ZSCAN30: variants seen among roughly 807,000 people sequenced by gnomAD.
ZSCAN30 encodes zinc finger and SCAN domain containing 30, also known as zinc finger and SCAN domain-containing protein 30.
ZSCAN30 carries 37 observed loss-of-function variants against 44.3 expected under a neutral mutation model. That is an observed-to-expected ratio of 0.84 (90% confidence interval 0.64 to 1.10). The LOEUF is 1.10. Ranked by LOEUF, ZSCAN30 falls within the 50% of genes least tolerant of loss-of-function variation. The pLI, the probability that ZSCAN30 is intolerant of heterozygous loss-of-function variation, is 0.00. For synonymous variants in ZSCAN30, 181 were observed against 204.6 expected (o/e 0.88, Z 0.98); for missense variants, 549 against 582.6 (o/e 0.94, Z 0.59).
intron 1 of ZSCAN30, among the ~76,000 whole-genome samples, chr18:35,280,670 T>G (rs958130414): frequency 1.3e-5 from 2 of 152,250 alleles, no homozygotes; most frequent in African/African-American, 4.8e-5. Flanking sequence ...TTCTGAGTTT[T>G]AGGAAGTCAG....
At chr18:35,280,832 T>A (rs1339448662) in intron 1 of ZSCAN30, 2 of 152,264 alleles carry the variant, frequency 1.3e-5, no homozygotes, top group South Asian at 2.1e-4. Context: ...TAATTTTTAA[T>A]GTGGCTTCAC....
chr18:35,273,703 T>C (rs2044323210), intron 1 of ZSCAN30, among the ~76,000 whole-genome samples: 1 of 152,224 alleles, frequency 6.6e-6, no homozygotes, highest in South Asian at 2.1e-4. Flanking sequence ...TCTATTTCAT[T>C]GGCCTGTATG....
chr18:35,264,455 C>G lies in ZSCAN30; in HGVS notation c.-103G>C, dbSNP rs1378606297. 8.2e-7 allele frequency: 1 copy of G among 1,217,666 alleles called. No homozygotes were observed. The highest frequency in any genetic ancestry group is 1.1e-6 in the Non-Finnish European group (1 of 882,918). The allele number at this position is 1,217,666 out of a possible 1,614,324, so 75.4% of individuals were successfully genotyped here. ...CTGAATTCCAACTCCCCAGGACGCT[C>G]CTGAGGGTGGACAATGCTCATGTTA... is the stretch of plus-strand genomic sequence containing the variant. On this transcript the variant is annotated splice_region_variant and 5_prime_UTR_variant, in exon 2 of 4. Transcript: ENST00000333206.
At position 35,253,748 on chromosome 18, in the gene ZSCAN30, C is replaced by T. The variant is rs759080214; in HGVS notation, c.1187G>A (p.Arg396Gln). The T allele has an allele frequency of 1.5e-5, 25 of 1,613,248 alleles. No individual in the cohort carries two copies. Among genetic ancestry groups the T allele is most frequent in the African/African-American group, 4.0e-5 (3 of 74,646 alleles). Reference sequence around the variant, plus strand: ...CTTATGCTGAATAAGGGCTGAGCTCCGGCTGAAGGCCTTCCCACATTCTCC... The same window carrying T: ...CTTATGCTGAATAAGGGCTGAGCTCTGGCTGAAGGCCTTCCCACATTCTCC... ...ECGECGKAFS[R>Q]SSALIQHKKI... is the part of the protein sequence containing the mutation. The change falls in exon 4 of 4, where the codon CGG becomes CAG. Residue 396 changes from arginine (R) to glutamine (Q), a missense_variant. By Grantham distance (43) the Arg-to-Gln change is conservative. Coordinates refer to ENST00000333206, the MANE Select transcript of ZSCAN30 (RefSeq NM_001112734.4).
chr18:35,289,132 T>G (rs2143795406), intron 1 of ZSCAN30, among the ~76,000 whole-genome samples: 1 of 152,160 alleles, frequency 6.6e-6, no homozygotes, highest in Non-Finnish European at 1.5e-5. Flanking sequence ...CACACCACCA[T>G]GCCCAGCTAA....
At chr18:35,288,986 GA>G (rs2044602855) in intron 1 of ZSCAN30, among the ~76,000 whole-genome samples, 2 of 142,370 alleles carry the variant, frequency 1.4e-5, no homozygotes, top group Middle Eastern at 3.4e-3. Context: ...GTTTTGTTTT[GA>G]GACAAAGTCT....
At chr18:35,266,480 C>T (rs2044152379) in intron 1 of ZSCAN30, among the ~76,000 whole-genome samples, 1 of 152,122 alleles carries the variant, frequency 6.6e-6, no homozygotes, top group South Asian at 2.1e-4. Flanking sequence ...GTCAAGGACT[C>T]AAGTTTGTGG....
rs960417948 is a variant in ZSCAN30 at position 35,251,654 on chromosome 18, C to CTGAT, written c.*1792_*1795dup. 1 of 152,140 alleles carries CTGAT rather than the reference C, an allele frequency of 6.6e-6. No homozygotes were observed. The highest frequency in any genetic ancestry group is 1.9e-4 in the East Asian group (1 of 5,182). The allele number at this position is 152,140 out of a possible 1,614,324, so 9.4% of individuals were successfully genotyped here. On this transcript the variant is annotated 3_prime_UTR_variant, in exon 4 of 4. Coordinates refer to ENST00000333206, the MANE Select transcript of ZSCAN30 (RefSeq NM_001112734.4). ...GATAGTGAATTCTCATGAGATTTGG[C>CTGAT]TGATTGATAAGTGCCTAGCATTTCC...
intron 1 of ZSCAN30, among the ~76,000 whole-genome samples, chr18:35,287,828 A>C (rs1405507154): frequency 6.6e-6 from 1 of 152,086 alleles, no homozygotes; most frequent in African/African-American, 2.4e-5. Context: ...AACAGAAAGA[A>C]AACTGAAGGC....
At chr18:35,270,435 T>G (rs1394383024) in intron 1 of ZSCAN30, among the ~76,000 whole-genome samples, 2 of 152,216 alleles carry the variant, frequency 1.3e-5, no homozygotes, top group African/African-American at 2.4e-5. Flanking sequence ...AATTTTTGTT[T>G]CTCATTTGCA....
At position 35,253,485 on chromosome 18, in the gene ZSCAN30, G is replaced by A. The variant is rs1288951018; in HGVS notation, c.1450C>T (p.Leu484Phe). 1.2e-6 allele frequency: 2 copies of A among 1,602,688 alleles called. No individual in the cohort carries two copies. Among genetic ancestry groups the A allele is most frequent in the Non-Finnish European group, 1.7e-6 (2 of 1,173,276 alleles). ...CRKTFRHRSG[L>F]MQHQRTHTRV ...GTGTGTGTTCTCTGATGCTGCATAA[G>A]GCCTGACCTATGCCTAAATGTTTTT... The change falls in exon 4 of 4, where the codon CTT becomes TTT. Residue 484 changes from leucine to phenylalanine, a missense_variant. Leu to Phe is a conservative substitution (Grantham distance 22). Transcript: ENST00000333206.
intron 1 of ZSCAN30, among the ~76,000 whole-genome samples, chr18:35,272,854 G>C (rs1390990590): frequency 6.6e-6 from 1 of 152,196 alleles, no homozygotes; most frequent in South Asian, 2.1e-4. Flanking sequence ...AAGGTGAAAG[G>C]CATGTCTCAC....
At chr18:35,286,043 G>A (rs1373010070) in intron 1 of ZSCAN30, among the ~76,000 whole-genome samples, 1 of 151,968 alleles carries the variant, frequency 6.6e-6, no homozygotes, top group Non-Finnish European at 1.5e-5. Flanking sequence ...GATACAAAAA[G>A]GACAAAGTAA....
intron 1 of ZSCAN30, among the ~76,000 whole-genome samples, chr18:35,286,777 C>T (rs1445710940): frequency 6.6e-6 from 1 of 152,108 alleles, no homozygotes; most frequent in Admixed American, 6.5e-5. Context: ...CACTGATATA[C>T]ATAAAGATCA....
At chr18:35,256,672 G>A (rs2043832252) in intron 3 of ZSCAN30, among the ~76,000 whole-genome samples, 1 of 152,180 alleles carries the variant, frequency 6.6e-6, no homozygotes, top group Non-Finnish European at 1.5e-5. Flanking sequence ...CTCAAGTCTG[G>A]AGGCTGGAGG....
rs1245260829 is a variant in ZSCAN30, at chr18:35,251,910, G to C, written c.*1540C>G. On this transcript the variant is annotated 3_prime_UTR_variant, in exon 4 of 4. Transcript: ENST00000333206. ...CTTCTTTAGAAATGACACTACCTAG[G>C]ATATCTTAGAAGAGGAATCAAACTT... is the stretch of plus-strand genomic sequence containing the variant. 1 of 152,026 alleles carries C rather than the reference G, an allele frequency of 6.6e-6. No homozygotes were observed. The highest frequency in any genetic ancestry group is 2.4e-5 in the African/African-American group (1 of 41,374). The allele number at this position is 152,026 out of a possible 1,614,324, so 9.4% of individuals were successfully genotyped here.
intron 3 of ZSCAN30, chr18:35,258,564 G>A (rs907785714): frequency 6.5e-6 from 1 of 152,808 alleles, no homozygotes; most frequent in Non-Finnish European, 1.5e-5. Flanking sequence ...GAGGGAGTGA[G>A]AGGCTTAGTT....
intron 1 of ZSCAN30, among the ~76,000 whole-genome samples, chr18:35,288,337 G>C (rs914449086): frequency 1.3e-5 from 2 of 152,204 alleles, no homozygotes; most frequent in Admixed American, 6.5e-5. Flanking sequence ...GAGATACACA[G>C]TGAGTTGGTA....
chr18:35,263,736 G>A (rs529222765), intron 2 of ZSCAN30, 79 bp from the exon 3 acceptor site: 6 of 1,538,974 alleles, frequency 3.9e-6, no homozygotes, highest in Non-Finnish European at 5.3e-6. Flanking sequence ...GGCAGGAACA[G>A]AAGAATCAAA....
Sources: gnomAD v4.1 joint callset for allele counts (sites outside exome capture counted in the v4.1 genomes callset) on GRCh38, gnomAD v4.1.1 for gene constraint, MANE v1.5 for transcripts, NCBI Gene and HGNC (gene_info 2026-07-23, HGNC 2026-07-21) for gene names.